USHBP1: variants seen among roughly 807,000 people sequenced by gnomAD.
The protein encoded by USHBP1 is harmonin-binding protein USHBP1.
USHBP1 carries 67 observed loss-of-function variants against 76.2 expected under a neutral mutation model. That is an observed-to-expected ratio of 0.88 (90% CI 0.72 to 1.08). The LOEUF (loss-of-function observed/expected upper bound fraction) is 1.08, where lower values mean the gene tolerates loss of function less well. Ranked by LOEUF, USHBP1 falls within the 50% of genes least tolerant of loss-of-function variation. USHBP1 has a pLI of 0.00. For missense variants in USHBP1, 931 were observed against 915.0 expected (o/e 1.02, Z -0.23); for synonymous variants, 322 against 362.2 (o/e 0.89, Z 1.26).
In USHBP1 at chr19:17,249,422, A is replaced by G. The variant is rs11086062; in HGVS notation, c.*803T>C. The G allele has an allele frequency of 0.5, 74,329 of 148,386 alleles. 18,592 individuals carry two copies. Among genetic ancestry groups the G allele is most frequent in the East Asian group, 0.82 (4,200 of 5,146 alleles). 9.2% of individuals were successfully genotyped at this position (148,386 alleles called of 1,614,324 possible). A position where few individuals can be genotyped will look rare whatever the true frequency, so the allele number is the denominator to read the frequency against. The stretch of plus-strand genomic sequence containing the variant: ...TGGCCAAGCTGGTCTCAAGCTCCTG[A>G]CCTCAGGTGATCCTCCCCGCCTCAG... On this transcript the variant is annotated 3_prime_UTR_variant, in exon 13 of 13. Coordinates refer to ENST00000252597, the MANE Select transcript of USHBP1 (RefSeq NM_031941.4).
chr19:17,257,102 GCTCCAC>G (rs2073629191), intron 8 of USHBP1, among the ~76,000 whole-genome samples: 1 of 149,028 alleles, frequency 6.7e-6, no homozygotes, highest in South Asian at 2.1e-4. Context: ...CTCACTGCAA[GCTCCAC>G]CTCTCGGGTT....
rs1358955215 is a variant in USHBP1 at position 17,262,811 on chromosome 19, G to A, written c.383C>T (p.Ser128Phe). 1.2e-6 allele frequency: 2 copies of A among 1,614,226 alleles called. No homozygotes were observed. The highest frequency in any genetic ancestry group is 1.1e-5 in the South Asian group (1 of 91,076). Residue 128 changes from serine (S) to phenylalanine (F), a missense_variant, in exon 4 of 13, where the codon TCC becomes TTC. By Grantham distance (155) the Ser-to-Phe change is radical. Coordinates refer to ENST00000252597, the MANE Select transcript of USHBP1 (RefSeq NM_031941.4). The stretch of plus-strand genomic sequence containing the variant: ...CCAGGCTGCAGCCGCTGCCTCCAGG[G>A]AGCTCAGAGTGTGCTGGAGGGTCTG... The part of the protein sequence containing the change: ...VFQTLQHTLS[S>F]LEAAAAAWRH...
intron 8 of USHBP1, 134 bp downstream of exon 8, chr19:17,258,078 A>G: frequency 8.1e-7 from 1 of 1,229,620 alleles, no homozygotes; most frequent in Admixed American, 2.0e-5. Context: ...TCAACCAACT[A>G]CAGTGAGCTC....
chr19:17,263,211 T>G (rs2073712845), intron 3 of USHBP1: 1 of 410,874 alleles, frequency 2.4e-6, no homozygotes, highest in African/African-American at 2.0e-5. Context: ...CTAATTTTTG[T>G]ATTTTTAGTA....
chr19:17,263,249 G>C (rs2073713400), intron 3 of USHBP1: 2 of 322,616 alleles, frequency 6.2e-6, no homozygotes, highest in African/African-American at 4.3e-5. Context: ...TGTTGGCTAG[G>C]CTGGTGTCAA....
At position 17,256,476 on chromosome 19, in the gene USHBP1, C is replaced by T. The variant is rs201528202; in HGVS notation, c.1465G>A (p.Ala489Thr). The T allele has an allele frequency of 2.4e-5, 38 of 1,613,150 alleles. No homozygotes were observed. In the East Asian group the frequency reaches 4.0e-4, roughly 17 times the overall value. The change falls in exon 9 of 13, where the codon GCA becomes ACA. Residue 489 changes from alanine (A) to threonine (T), a missense_variant. Transcript: ENST00000252597. The stretch of plus-strand genomic sequence containing the variant: ...TGGCCACAGCCCATTTGTACCCTTG[C>T]GGCCACCAGGTCCTGCTGAATTTGT... ...KTQIQQDLVA[A>T]REALADLMLR...
Position 17,255,473 on chromosome 19 carries a change from C to T in USHBP1, c.1604G>A (p.Arg535Gln), listed in dbSNP as rs375541213. ...VLLLEQLRWE[R>Q]AELQAGGANS... ...TGCCCCACCAGCCTGGAGCTCTGCC[C>T]GTTCCCACCGCAGCTGCTCCAGCAG... is the stretch of plus-strand genomic sequence containing the variant. Residue 535 changes from arginine to glutamine, a missense_variant, in exon 10 of 13, where the codon CGG (arginine) becomes CAG (glutamine). Arg to Gln is a conservative substitution (Grantham distance 43). Transcript: ENST00000252597. 2.7e-5 allele frequency: 44 copies of T among 1,613,934 alleles called. No individual in the cohort carries two copies. Among genetic ancestry groups the T allele is most frequent in the Non-Finnish European group, 3.1e-5 (36 of 1,179,974 alleles).
At chr19:17,253,162 G>A (rs554396495) in intron 10 of USHBP1, among the ~76,000 whole-genome samples, 1 of 151,908 alleles carries the variant, frequency 6.6e-6, no homozygotes. Context: ...TAGAGACAGG[G>A]TTTCACCGTG....
chr19:17,263,364 A>C, intron 3 of USHBP1: 1 of 175,258 alleles, frequency 5.7e-6, no homozygotes. Context: ...GAGGGCTTAA[A>C]CTTCATGGTC....
rs1205939639 is a variant in USHBP1 at position 17,257,223 on chromosome 19, A to G, written c.1221-503T>C. ...TTTTTTTGGATTTTTAGTAGAGACGAGGTTTCACCGTGTTAGCCAGGATGG... is the reference window on the plus strand; with the variant it reads ...TTTTTTTGGATTTTTAGTAGAGACGGGGTTTCACCGTGTTAGCCAGGATGG... On this transcript the variant is annotated intron_variant, in intron 8 of 12. Transcript: ENST00000252597. 4.1e-5 allele frequency among the ~76,000 whole-genome samples: 6 copies of G among 144,964 alleles called. No homozygotes were observed. In the East Asian group the frequency reaches 6.4e-4, roughly 15 times the overall value.
In USHBP1 at chr19:17,250,543, TTTGTTG is replaced by T. The variant is rs748524355; in HGVS notation, c.1923-135_1923-130del. 1.5e-4 allele frequency: 159 copies of T among 1,073,286 alleles called. No homozygotes were observed. The African/African-American group carries it at 1.9e-3, about 13-fold the overall frequency. The allele number at this position is 1,073,286 out of a possible 1,614,324, so 66.5% of individuals were successfully genotyped here. Reference sequence around the variant, plus strand: ...TCCAAGGGTCCCAGCTAGCTGGTCTTTTGTTGTTGTTGTTGTTGTTGTTTGAGACAG... The same window carrying T: ...TCCAAGGGTCCCAGCTAGCTGGTCTTTTGTTGTTGTTGTTGTTTGAGACAG... On this transcript the variant is annotated intron_variant, in intron 12 of 12. Coordinates refer to ENST00000252597, the MANE Select transcript of USHBP1 (RefSeq NM_031941.4).
intron 12 of USHBP1, among the ~76,000 whole-genome samples, chr19:17,250,942 C>G (rs926228742): frequency 6.6e-6 from 1 of 152,048 alleles, no homozygotes; most frequent in African/African-American, 2.4e-5. Context: ...CTCACTGCAA[C>G]CTCTGCCTCC....
chr19:17,261,640 AT>A (rs34383325), intron 4 of USHBP1, among the ~76,000 whole-genome samples: 126 of 86,346 alleles, frequency 1.5e-3, no homozygotes, highest in Middle Eastern at 8.8e-3. Context: ...CATTATTATT[AT>A]TTTTTTTTTT....
chr19:17,250,846 G>T (rs1444226892), intron 12 of USHBP1, among the ~76,000 whole-genome samples: 1 of 151,382 alleles, frequency 6.6e-6, no homozygotes, highest in African/African-American at 2.4e-5. Context: ...GAGCCACCAT[G>T]CCCAGCCTGT....
chr19:17,254,656 CAA>C (rs77870417), intron 10 of USHBP1, among the ~76,000 whole-genome samples: 13 of 123,986 alleles, frequency 1.0e-4, no homozygotes, highest in East Asian at 2.4e-4. Flanking sequence ...AACTCTGTCT[CAA>C]AAAAAAAAAA....
At chr19:17,253,737 T>G (rs2073582453) in intron 10 of USHBP1, among the ~76,000 whole-genome samples, 1 of 138,596 alleles carries the variant, frequency 7.2e-6, no homozygotes, top group African/African-American at 2.7e-5. Context: ...CTACTAAAAA[T>G]ACAAAAATTA....
chr19:17,252,367 C>G (rs1050905794), intron 10 of USHBP1, among the ~76,000 whole-genome samples: 1 of 151,742 alleles, frequency 6.6e-6, no homozygotes, highest in East Asian at 2.0e-4. Flanking sequence ...GGCTACTTTT[C>G]GTATTTTTAG....
Position 17,256,650 on chromosome 19 carries a change from G to A in USHBP1, c.1291C>T (p.Arg431Cys), listed in dbSNP as rs184887926. The stretch of plus-strand genomic sequence containing the variant: ...ATTAGAGAACGGCGCTCCTGGAGAC[G>A]CTGGACATAGCTTCGGAGCTGGAAA... ...VAFQLRSYVQRLQERRSLMKI... is the reference protein window; with the variant it reads ...VAFQLRSYVQCLQERRSLMKI... Residue 431 changes from arginine to cysteine, a missense_variant, in exon 9 of 13, where the codon CGT becomes TGT. By Grantham distance (180) the Arg-to-Cys change is radical. Transcript: ENST00000252597. The A allele has an allele frequency of 4.3e-5, 70 of 1,614,208 alleles. 1 individual carries two copies. The Middle Eastern group carries it at 8.3e-4, about 19-fold the overall frequency.
At chr19:17,263,066 C>A in intron 3 of USHBP1, 76 bp from the exon 4 acceptor site, 1 of 1,456,558 alleles carries the variant, frequency 6.9e-7, no homozygotes, top group South Asian at 1.6e-5. Flanking sequence ...GAGACGGAGT[C>A]TCACTCTGTT....
Sources: allele counts gnomAD v4.1 joint callset (sites outside exome capture counted in the v4.1 genomes callset), GRCh38; gene constraint gnomAD v4.1.1; transcripts MANE v1.5; gene names NCBI Gene and HGNC (gene_info 2026-07-23, HGNC 2026-07-21).